The following PTPRD variants were observed in gnomAD, a reference collection of about 807,000 sequenced individuals.
PTPRD encodes protein tyrosine phosphatase receptor type D.
In PTPRD, 34 loss-of-function variants were observed where a neutral mutation model predicts 214.5. The observed-to-expected ratio is 0.16, with a 90% CI of 0.12 to 0.21. PTPRD has a LOEUF of 0.21. PTPRD is among the 10% of genes least tolerant of loss of function. The pLI is 1.00. For synonymous variants in PTPRD, 1,128 were observed against 845.7 expected, an observed-to-expected ratio of 1.33 and a Z score of -5.79; for missense variants, 2,545 against 2,398.7, an observed-to-expected ratio of 1.06 and a Z score of -1.27.
chr9:8,839,104 T>G (rs965441382), intron 11 of PTPRD, among the ~76,000 whole-genome samples: 4 of 152,036 alleles, frequency 2.6e-5, no homozygotes, highest in Non-Finnish European at 5.9e-5. Context: ...GAACATGAAC[T>G]AATGAATAAA....
intron 11 of PTPRD, among the ~76,000 whole-genome samples, chr9:8,972,934 G>A (rs1415655346): frequency 3.3e-5 from 5 of 151,022 alleles, no homozygotes; most frequent in African/African-American, 1.2e-4. Flanking sequence ...ACGTTTAATA[G>A]ACTAGTAGAT....
At chr9:8,782,654 G>C (rs555955973) in intron 11 of PTPRD, among the ~76,000 whole-genome samples, 1 of 147,220 alleles carries the variant, frequency 6.8e-6, no homozygotes, top group Non-Finnish European at 1.5e-5. Flanking sequence ...CTGAAGTGCA[G>C]TGGCACAATC....
rs995037139 is a variant in PTPRD, at chr9:9,645,899, A to C, written c.-286-71118T>G. On this transcript the variant is annotated intron_variant, in intron 7 of 45. Coordinates refer to ENST00000381196, the MANE Select transcript of PTPRD (RefSeq NM_002839.4). ...AGCATTTCAAAATTGTTTTAAATTTATTATTAATTGTTGTGGATACATACT... is the reference window on the plus strand; with the variant it reads ...AGCATTTCAAAATTGTTTTAAATTTCTTATTAATTGTTGTGGATACATACT... Among the ~76,000 whole-genome samples the C allele has an allele frequency of 2.6e-5, 4 of 152,322 alleles. No individual in the cohort carries two copies. In the South Asian group the frequency reaches 8.3e-4, roughly 32 times the overall value.
At chr9:8,489,014 C>G (rs117636491) in intron 27 of PTPRD, among the ~76,000 whole-genome samples, 2 of 152,114 alleles carry the variant, frequency 1.3e-5, no homozygotes, top group South Asian at 4.1e-4. Context: ...GTGAGATGCA[C>G]GTAAAGCTAG....
chr9:9,744,677 G>A (rs1460980086), intron 6 of PTPRD, among the ~76,000 whole-genome samples: 1 of 151,898 alleles, frequency 6.6e-6, no homozygotes. Flanking sequence ...TCAAGTATAT[G>A]TATGTTGAAT....
chr9:9,421,520 C>A (rs1480238096), intron 8 of PTPRD, among the ~76,000 whole-genome samples: 1 of 152,008 alleles, frequency 6.6e-6, no homozygotes, highest in African/African-American at 2.4e-5. Context: ...ATTTCAAATA[C>A]AACAAAAGTG....
At chr9:9,464,592 G>A (rs1424768443) in intron 8 of PTPRD, among the ~76,000 whole-genome samples, 1 of 152,010 alleles carries the variant, frequency 6.6e-6, no homozygotes, top group African/African-American at 2.4e-5. Flanking sequence ...ATTTATGAAA[G>A]TTTCTGTTAT....
At chr9:9,832,121 T>C (rs1053786566) in intron 5 of PTPRD, among the ~76,000 whole-genome samples, 2 of 151,968 alleles carry the variant, frequency 1.3e-5, no homozygotes, top group African/African-American at 4.8e-5. Context: ...TCTTGAAAAA[T>C]GCATAAGTGA....
intron 2 of PTPRD, among the ~76,000 whole-genome samples, chr9:10,346,865 G>C (rs1006421329): frequency 2.6e-5 from 4 of 152,150 alleles, no homozygotes; most frequent in Admixed American, 6.6e-5. Context: ...AAGGGTCATA[G>C]CTCTGAGTAA....
intron 3 of PTPRD, among the ~76,000 whole-genome samples, chr9:10,281,664 A>G (rs1039393252): frequency 1.3e-5 from 2 of 152,236 alleles, no homozygotes; most frequent in African/African-American, 4.8e-5. Flanking sequence ...TACATATGTA[A>G]CAAGTTCTGC....
chr9:8,568,607 A>C (rs1389141278), intron 14 of PTPRD, among the ~76,000 whole-genome samples: 2 of 152,162 alleles, frequency 1.3e-5, no homozygotes, highest in East Asian at 3.8e-4. Context: ...GGTCAGGGCT[A>C]TATGTGTCTG....
chr9:10,602,429 A>T (rs929414828), intron 2 of PTPRD, among the ~76,000 whole-genome samples: 3 of 151,702 alleles, frequency 2.0e-5, no homozygotes, highest in Non-Finnish European at 4.4e-5. Flanking sequence ...TTTTAAAAAA[A>T]TTTGATGAAT....
At chr9:9,109,029 C>G (rs1479312306) in intron 10 of PTPRD, among the ~76,000 whole-genome samples, 2 of 152,094 alleles carry the variant, frequency 1.3e-5, no homozygotes, top group African/African-American at 4.8e-5. Flanking sequence ...CAGCCTGTTC[C>G]TCTCCTTTAG....
intron 2 of PTPRD, among the ~76,000 whole-genome samples, chr9:10,479,987 G>C (rs2132102201): frequency 6.6e-6 from 1 of 152,212 alleles, no homozygotes; most frequent in East Asian, 1.9e-4. Flanking sequence ...CTAATAAAAA[G>C]GGAGAAGTCT....
intron 9 of PTPRD, among the ~76,000 whole-genome samples, chr9:9,280,330 G>T (rs570023526): frequency 6.6e-6 from 1 of 150,814 alleles, no homozygotes; most frequent in South Asian, 2.1e-4. Context: ...TAAGGAATAG[G>T]GAAATATAAC....
intron 11 of PTPRD, among the ~76,000 whole-genome samples, chr9:8,749,522 G>C (rs2093300347): frequency 6.6e-6 from 1 of 152,018 alleles, no homozygotes; most frequent in South Asian, 2.1e-4. Context: ...TATTTTAAGT[G>C]ACCATAGACA....
At chr9:9,922,874 GA>G (rs2082976763) in intron 5 of PTPRD, among the ~76,000 whole-genome samples, 2 of 151,988 alleles carry the variant, frequency 1.3e-5, no homozygotes, top group Admixed American at 1.3e-4. Flanking sequence ...TGCAATACAT[GA>G]TTCTAGGTTG....
intron 2 of PTPRD, among the ~76,000 whole-genome samples, chr9:10,535,442 C>T (rs1195488762): frequency 6.6e-6 from 1 of 152,050 alleles, no homozygotes; most frequent in Non-Finnish European, 1.5e-5. Context: ...GCTGTTTCAA[C>T]AATGCCATTT....
intron 7 of PTPRD, among the ~76,000 whole-genome samples, chr9:9,578,658 G>C (rs1334161804): frequency 1.3e-5 from 2 of 151,992 alleles, no homozygotes; most frequent in Admixed American, 1.3e-4. Flanking sequence ...TACTGTAATA[G>C]GATTTCTACA....
Sources: gnomAD v4.1 joint callset for allele counts (sites outside exome capture counted in the v4.1 genomes callset) on GRCh38, gnomAD v4.1.1 for gene constraint, MANE v1.5 for transcripts, NCBI Gene and HGNC (gene_info 2026-07-23, HGNC 2026-07-21) for gene names.